Variants in SAGE1 observed in about 807,000 individuals in gnomAD.
The protein encoded by SAGE1 is cancer/testis antigen 14.
SAGE1 carries 55 observed loss-of-function variants against 55.4 expected under a neutral mutation model. That is an observed-to-expected ratio of 0.99 (90% CI 0.80 to 1.24). The LOEUF is 1.24. Ranked by LOEUF, SAGE1 falls within the 50% of genes most tolerant of loss-of-function variation. SAGE1 has a pLI of 0.00. For synonymous variants in SAGE1, 240 were observed against 244.3 expected (o/e 0.98, Z 0.17); for missense variants, 710 against 704.4 (o/e 1.01, Z -0.09).
chrX:135,896,771 G>A (rs1483804912), intron 2 of SAGE1, among the ~76,000 whole-genome samples: 1 of 110,160 alleles, frequency 9.1e-6, no homozygotes, highest in African/African-American at 3.3e-5. Flanking sequence ...TTTTGGACAG[G>A]CTGCTCTCGA....
In SAGE1 at chrX:135,910,522, G is replaced by A. The variant is rs2088878840; in HGVS notation, c.1972G>A (p.Ala658Thr). The A allele has an allele frequency of 8.3e-7, 1 of 1,209,410 alleles. No individual in the cohort carries two copies. Among genetic ancestry groups the A allele is most frequent in the East Asian group, 3.0e-5 (1 of 33,744 alleles). The part of the protein sequence containing the change: ...APPWLRHMAA[A>T]GISSTITRDL... ...TCCATGGCTTCGTCATATGGCAGCA[G>A]CTGGAATTTCATCCACGATTACCAG... The change falls in exon 16 of 20, where the codon GCT becomes ACT. Residue 658 changes from alanine (A) to threonine (T), a missense_variant. Physicochemically the swap from Ala to Thr is moderately conservative, Grantham distance 58. Transcript: ENST00000370709.
chrX:135,909,619 C>T lies in SAGE1; in HGVS notation c.1583-20C>T. The T allele has an allele frequency of 8.4e-7, 1 of 1,184,465 alleles. No homozygotes were observed. The highest frequency in any genetic ancestry group is 3.0e-5 in the East Asian group (1 of 33,625). On this transcript the variant is annotated intron_variant, in intron 13 of 19. Transcript: ENST00000370709. ...ATAATGCACTTACGTCACAAGTCAA[C>T]CTCTTTATTTGGTTTCCAGATGCTA... is the stretch of plus-strand genomic sequence containing the variant.
chrX:135,895,368 A>G (rs1556592814), intron 1 of SAGE1, among the ~76,000 whole-genome samples: 2 of 112,333 alleles, frequency 1.8e-5, no homozygotes, highest in African/African-American at 3.2e-5. Flanking sequence ...GGTGATTTTA[A>G]GTGGGGTCAT....
chrX:135,897,469 G>T (rs1180167188), intron 2 of SAGE1, among the ~76,000 whole-genome samples: 1 of 111,849 alleles, frequency 8.9e-6, no homozygotes, highest in African/African-American at 3.3e-5. Flanking sequence ...GCCAAGGATT[G>T]AGTTAATACA....
intron 15 of SAGE1, 91 bp from the exon 16 acceptor site, chrX:135,910,324 T>C (rs2088873096): frequency 6.8e-5 from 74 of 1,088,379 alleles, no homozygotes; most frequent in Non-Finnish European, 9.3e-5. Flanking sequence ...CTTAATGAGA[T>C]AATTTCCTAG....
chrX:135,904,538 T>C lies in SAGE1; in HGVS notation c.282T>C (p.Asp94=). ...ERINNGQPVA[D]NVLSTAPPWP... The stretch of plus-strand genomic sequence containing the variant: ...TAAATAACGGCCAACCAGTAGCTGA[T>C]AATGTCTTGTCAACTGCTCCACCAT... The change falls in exon 4 of 20, where the codon GAT becomes GAC. Residue 94 remains aspartate (D), a synonymous_variant. Coordinates refer to ENST00000370709, the MANE Select transcript of SAGE1 (RefSeq NM_001381902.1). 1 of 1,200,571 alleles carries C rather than the reference T, an allele frequency of 8.3e-7. No individual in the cohort carries two copies. The highest frequency in any genetic ancestry group is 1.1e-6 in the Non-Finnish European group (1 of 885,991).
At chrX:135,900,719 C>G (rs1435265853) in intron 2 of SAGE1, among the ~76,000 whole-genome samples, 1 of 107,125 alleles carries the variant, frequency 9.3e-6, no homozygotes, top group Non-Finnish European at 1.9e-5. Context: ...CTACCTGATT[C>G]CAAGATCAAC....
intron 17 of SAGE1, 74 bp from the exon 18 acceptor site, chrX:135,911,505 G>C: frequency 1.1e-6 from 1 of 900,623 alleles, no homozygotes; most frequent in Non-Finnish European, 1.6e-6. Context: ...TAGAAACTGG[G>C]CATCGGAGGG....
At chrX:135,912,022 T>C in intron 18 of SAGE1, 69 bp downstream of exon 18, 1 of 1,165,742 alleles carries the variant, frequency 8.6e-7, no homozygotes, top group African/African-American at 1.8e-5. Flanking sequence ...TAGAACAGAA[T>C]TGAGCTGCCT....
At chrX:135,912,236 G>A in intron 18 of SAGE1, 85 bp from the exon 19 acceptor site, 1 of 1,130,948 alleles carries the variant, frequency 8.8e-7, no homozygotes, top group Non-Finnish European at 1.2e-6. Context: ...CATGAAAAAT[G>A]TATACTGTGG....
At position 135,909,582 on chromosome X, in the gene SAGE1, T is replaced by A. The variant is rs1179220674; in HGVS notation, c.1583-57T>A. On this transcript the variant is annotated intron_variant, in intron 13 of 19. Transcript: ENST00000370709. ...AAACTGAACATCAGAGGGATATACC[T>A]GTGGTATTGACATAATGCACTTACG... is the stretch of plus-strand genomic sequence containing the variant. 23 of 1,070,539 alleles carry A rather than the reference T, an allele frequency of 2.1e-5. No homozygotes were observed. In the African/African-American group the frequency reaches 3.9e-4, roughly 18 times the overall value. The allele number at this position is 1,070,539 out of a possible 1,213,427, so 88.2% of individuals were successfully genotyped here.
At position 135,896,411 on chromosome X, in the gene SAGE1, T is replaced by C. The variant is rs1269972880; in HGVS notation, c.87+82T>C. The C allele has an allele frequency of 6.9e-5, 44 of 639,094 alleles. No individual in the cohort carries two copies. The Admixed American group carries it at 1.1e-3, about 17-fold the overall frequency. 52.7% of individuals were successfully genotyped at this position (639,094 alleles called of 1,213,427 possible). ...TCTCATTGGAAAGATGAATATAAAC[T>C]ATATGTGTTAATTCTCTTGATTTAA... On this transcript the variant is annotated intron_variant, in intron 2 of 19. Coordinates refer to ENST00000370709, the MANE Select transcript of SAGE1 (RefSeq NM_001381902.1).
At chrX:135,899,996 GC>G (rs1437089252) in intron 2 of SAGE1, among the ~76,000 whole-genome samples, 1 of 110,548 alleles carries the variant, frequency 9.0e-6, no homozygotes, top group African/African-American at 3.3e-5. Context: ...TCTTTGCCTT[GC>G]CCGATTCCCC....
At chrX:135,896,156 A>G in intron 1 of SAGE1, 87 bp from the exon 2 acceptor site, 1 of 635,102 alleles carries the variant, frequency 1.6e-6, no homozygotes. Context: ...TCAGCTGTAT[A>G]GCGCCAATTT....
intron 2 of SAGE1, among the ~76,000 whole-genome samples, chrX:135,900,171 A>G (rs2088650120): frequency 9.0e-6 from 1 of 111,094 alleles, no homozygotes; most frequent in African/African-American, 3.3e-5. Context: ...TGTTCCTTCA[A>G]TACCTGGTTT....
chrX:135,901,938 C>G (rs1455914074), intron 3 of SAGE1, among the ~76,000 whole-genome samples: 4 of 111,801 alleles, frequency 3.6e-5, no homozygotes, highest in African/African-American at 1.3e-4. Context: ...CGCTCTAACC[C>G]AGTGTGGTCT....
At position 135,908,207 on chromosome X, in the gene SAGE1, A is replaced by C. The variant is rs369615050; in HGVS notation, c.1278A>C (p.Pro426=). The C allele has an allele frequency of 2.1e-5, 25 of 1,205,785 alleles. No individual in the cohort carries two copies. The highest frequency in any genetic ancestry group is 1.1e-4 in the Admixed American group (5 of 45,592). ...ELINLAGAGI[P]PMSTRDQYAT... The stretch of plus-strand genomic sequence containing the variant: ...TTAACTTGGCAGGAGCTGGTATTCC[A>C]CCCATGAGTACCAGGGATCAGTGTA... Residue 426 remains proline, a synonymous_variant, in exon 11 of 20, where the codon CCA becomes CCC. Coordinates refer to ENST00000370709, the MANE Select transcript of SAGE1 (RefSeq NM_001381902.1).
chrX:135,899,377 G>T (rs1556595288), intron 2 of SAGE1, among the ~76,000 whole-genome samples: 1 of 111,920 alleles, frequency 8.9e-6, no homozygotes, highest in African/African-American at 3.2e-5. Context: ...CCAGCACCAT[G>T]CTGCTTTGGT....
intron 1 of SAGE1, among the ~76,000 whole-genome samples, 100 bp downstream of exon 1, chrX:135,893,881 G>A (rs782149456): frequency 1.8e-5 from 2 of 111,747 alleles, no homozygotes; most frequent in African/African-American, 3.2e-5. Flanking sequence ...GTGTTCCTCC[G>A]TTATTTTTTG....
Sources: gnomAD v4.1 joint callset for allele counts (sites outside exome capture counted in the v4.1 genomes callset) on GRCh38, gnomAD v4.1.1 for gene constraint, MANE v1.5 for transcripts, NCBI Gene and HGNC (gene_info 2026-07-23, HGNC 2026-07-21) for gene names.